The following DNAH11 variants were observed in gnomAD, a reference collection of about 807,000 sequenced individuals.
The protein encoded by DNAH11 is dynein axonemal heavy chain 11, also known as axonemal beta dynein heavy chain 11.
A neutral mutation model predicts 526.0 loss-of-function variants in DNAH11; 442 were observed. The ratio of observed to expected loss-of-function variants is 0.84; its 90% CI spans 0.78 to 0.91. The LOEUF (loss-of-function observed/expected upper bound fraction) is 0.91. Among genes scored for constraint, DNAH11 ranks in the 40% least tolerant of loss-of-function variants. The pLI is 0.00. For missense variants in DNAH11, 6,989 were observed against 5,448.7 expected (o/e 1.28, Z -8.90); for synonymous variants, 2,461 against 1,935.9 (o/e 1.27, Z -7.12).
At chr7:21,777,335 C>T (rs1787722290) in intron 56 of DNAH11, among the ~76,000 whole-genome samples, 1 of 151,872 alleles carries the variant, frequency 6.6e-6, no homozygotes, top group African/African-American at 2.4e-5. Flanking sequence ...CACTGAAGGG[C>T]ATCTGGGTTA....
intron 65 of DNAH11, among the ~76,000 whole-genome samples, chr7:21,833,989 C>G (rs1331749034): frequency 2.0e-5 from 3 of 152,164 alleles, no homozygotes; most frequent in African/African-American, 4.8e-5. Flanking sequence ...AAACCACACT[C>G]TAGACCAAAT....
chr7:21,551,407 T>G (rs1783018160), intron 2 of DNAH11, among the ~76,000 whole-genome samples: 1 of 152,228 alleles, frequency 6.6e-6, no homozygotes. Flanking sequence ...AAAACCTGTT[T>G]GACCAGTTCC....
intron 45 of DNAH11, among the ~76,000 whole-genome samples, chr7:21,730,427 A>G (rs1306776386): frequency 6.6e-6 from 1 of 152,206 alleles, no homozygotes; most frequent in Non-Finnish European, 1.5e-5. Flanking sequence ...TATAATGCAA[A>G]TGTCCCAAAA....
Position 21,872,123 on chromosome 7 carries a change from C to CAAAAAAAA in DNAH11, c.11968-1132_11968-1125dup, listed in dbSNP as rs776718319. On this transcript the variant is annotated intron_variant, in intron 73 of 81. Coordinates refer to ENST00000409508, the MANE Select transcript of DNAH11 (RefSeq NM_001277115.2). ...TGGGTGACAGAGCGAGACTCTGTCTCAAAAAAAAAAAAAAAAAAAAAAAAA... is the reference window on the plus strand; with the variant it reads ...TGGGTGACAGAGCGAGACTCTGTCTCAAAAAAAAAAAAAAAAAAAAAAAAAAAAAAAAA... Among the ~76,000 whole-genome samples, 44 of 30,826 alleles carry CAAAAAAAA rather than the reference C, an allele frequency of 1.4e-3. 3 individuals are homozygous for CAAAAAAAA. Among genetic ancestry groups the CAAAAAAAA allele is most frequent in the African/African-American group, 3.3e-3 (26 of 7,954 alleles). 20.2% of individuals were successfully genotyped at this position (30,826 alleles called of 152,430 possible). A position where few individuals can be genotyped will look rare whatever the true frequency, so the allele number is the denominator to read the frequency against.
intron 35 of DNAH11, among the ~76,000 whole-genome samples, chr7:21,694,057 C>T (rs1472981251): frequency 6.6e-6 from 1 of 152,166 alleles, no homozygotes; most frequent in Non-Finnish European, 1.5e-5. Flanking sequence ...AAAATCTGCT[C>T]CCATGATCCA....
chr7:21,803,855 T>G (rs1455493717), intron 62 of DNAH11, among the ~76,000 whole-genome samples: 2 of 149,428 alleles, frequency 1.3e-5, no homozygotes, highest in East Asian at 3.9e-4. Context: ...AAGTGGGGAA[T>G]GGGGCTATCA....
At chr7:21,755,246 A>G (rs560086397) in intron 54 of DNAH11, among the ~76,000 whole-genome samples, 1 of 152,364 alleles carries the variant, frequency 6.6e-6, no homozygotes, top group East Asian at 1.9e-4. Flanking sequence ...ATTGCCTCAA[A>G]TAAGGCAATG....
At chr7:21,611,192 G>C (rs1785509699) in intron 20 of DNAH11, among the ~76,000 whole-genome samples, 1 of 152,122 alleles carries the variant, frequency 6.6e-6, no homozygotes, top group South Asian at 2.1e-4. Context: ...GTCTCCTCTG[G>C]AAAAGGAATA....
At position 21,842,524 on chromosome 7, in the gene DNAH11, C is replaced by T. The variant is rs781085449; in HGVS notation, c.10692-20C>T. On this transcript the variant is annotated intron_variant, in intron 65 of 81. Transcript: ENST00000409508. ...TGGGTCATAGGAGTCTCCTGAAAGT[C>T]TGTGTTTTGCTCCGTTTAGGTATAT... 2 of 1,605,514 alleles carry T rather than the reference C, an allele frequency of 1.2e-6. No individual in the cohort carries two copies. The highest frequency in any genetic ancestry group is 1.7e-5 in the Admixed American group (1 of 59,756).
chr7:21,831,048 A>C (rs1244276898), intron 65 of DNAH11, among the ~76,000 whole-genome samples: 1 of 151,822 alleles, frequency 6.6e-6, no homozygotes, highest in Non-Finnish European at 1.5e-5. Context: ...CACCCACTTG[A>C]CTCTCCGTGT....
intron 30 of DNAH11, among the ~76,000 whole-genome samples, chr7:21,674,463 C>T (rs543093551): frequency 1.3e-5 from 2 of 152,200 alleles, no homozygotes; most frequent in East Asian, 3.9e-4. Flanking sequence ...CAGCTTCAAA[C>T]AATTCCCATG....
intron 2 of DNAH11, among the ~76,000 whole-genome samples, chr7:21,554,038 G>A (rs143050636): frequency 7.2e-5 from 11 of 152,152 alleles, no homozygotes; most frequent in Admixed American, 2.0e-4. Context: ...GCAGGAATGC[G>A]GAGGAAGTTT....
intron 79 of DNAH11, among the ~76,000 whole-genome samples, chr7:21,898,851 A>G (rs1027303570): frequency 1.3e-5 from 2 of 152,106 alleles, no homozygotes; most frequent in African/African-American, 4.8e-5. Context: ...ACGTGCTTAG[A>G]CTGCCGTCAC....
At chr7:21,588,309 A>G (rs1360867142) in intron 10 of DNAH11, 108 bp downstream of exon 10, 2 of 1,407,172 alleles carry the variant, frequency 1.4e-6, no homozygotes, top group Non-Finnish European at 1.9e-6. Flanking sequence ...TAGGCACTAC[A>G]TTTTTGTGCT....
chr7:21,702,695 C>T lies in DNAH11; in HGVS notation c.6181-15C>T, dbSNP rs1240016068. 3 of 1,609,136 alleles carry T rather than the reference C, an allele frequency of 1.9e-6. No individual in the cohort carries two copies. The highest frequency in any genetic ancestry group is 2.7e-5 in the African/African-American group (2 of 74,780). ...TCATACAATTTTTGAGAAAATAAAC[C>T]TGTTTTGATTTTAGGATCATTACGA... is the stretch of plus-strand genomic sequence containing the variant. On this transcript the variant is annotated splice_polypyrimidine_tract_variant and intron_variant, in intron 36 of 81. Coordinates refer to ENST00000409508, the MANE Select transcript of DNAH11 (RefSeq NM_001277115.2).
chr7:21,545,274 TAAAAAAAAAAAA>T, intron 2 of DNAH11, 125 bp downstream of exon 2: 1 of 129,860 alleles, frequency 7.7e-6, no homozygotes, highest in Non-Finnish European at 1.2e-5. Context: ...TGGGGGTGGT[TAAAAAAAAAAAA>T]AAAAAAAAAA....
chr7:21,620,345 A>G (rs1020792825), intron 25 of DNAH11, among the ~76,000 whole-genome samples: 2 of 152,076 alleles, frequency 1.3e-5, no homozygotes, highest in Non-Finnish European at 2.9e-5. Flanking sequence ...CCTCCTGTCT[A>G]ACTGAAAATT....
rs1782648652 is a variant in DNAH11, at chr7:21,543,136, C to A, written c.-110C>A. On this transcript the variant is annotated 5_prime_UTR_variant, in exon 1 of 82. Coordinates refer to ENST00000409508, the MANE Select transcript of DNAH11 (RefSeq NM_001277115.2). ...GGGAGACTAGGGTCTGCGCTCGCGG[C>A]GACCGCGGAGGAGGGTGGGCGCCTG... 2.2e-5 allele frequency: 31 copies of A among 1,433,212 alleles called. No homozygotes were observed. The highest frequency in any genetic ancestry group is 2.5e-5 in the Non-Finnish European group (28 of 1,100,934). The allele number at this position is 1,433,212 out of a possible 1,614,324, so 88.8% of individuals were successfully genotyped here. A position where few individuals can be genotyped will look rare whatever the true frequency, so the allele number is the denominator to read the frequency against.
At chr7:21,629,643 T>G (rs1786508495) in intron 25 of DNAH11, among the ~76,000 whole-genome samples, 1 of 152,156 alleles carries the variant, frequency 6.6e-6, no homozygotes, top group Non-Finnish European at 1.5e-5. Context: ...TATTTTCTCT[T>G]GCCTAATTGG....
Sources: gnomAD v4.1 joint callset for allele counts (sites outside exome capture counted in the v4.1 genomes callset) on GRCh38, gnomAD v4.1.1 for gene constraint, MANE v1.5 for transcripts, NCBI Gene and HGNC (gene_info 2026-07-23, HGNC 2026-07-21) for gene names.